RBFOX1: variants seen among roughly 807,000 people sequenced by gnomAD.
RBFOX1 encodes RNA binding fox-1 homolog 1, also known as RNA binding protein fox-1 homolog 1.
RBFOX1 carries 8 observed loss-of-function variants against 57.7 expected under a neutral mutation model. That is an observed-to-expected ratio of 0.14 (90% CI 0.08 to 0.25). The LOEUF (loss-of-function observed/expected upper bound fraction) is 0.25, where lower values mean the gene tolerates loss of function less well. Among genes scored for constraint, RBFOX1 ranks in the 10% least tolerant of loss-of-function variants. The probability of loss-of-function intolerance (pLI) is 1.00; values close to 1 mark genes in which losing one functional copy is unlikely to be tolerated. For synonymous variants in RBFOX1, 326 were observed against 222.4 expected (o/e 1.47, Z -4.15); for missense variants, 611 against 548.5 (o/e 1.11, Z -1.14).
intron 2 of RBFOX1, among the ~76,000 whole-genome samples, chr16:5,589,376 G>A (rs762338008): frequency 3.4e-4 from 51 of 152,092 alleles, no homozygotes; most frequent in Non-Finnish European, 6.3e-4. Context: ...GCCAACCTGG[G>A]GCAAGTCACT....
chr16:5,426,292 C>T (rs2067556719), intron 1 of RBFOX1, among the ~76,000 whole-genome samples: 1 of 152,210 alleles, frequency 6.6e-6, no homozygotes, highest in African/African-American at 2.4e-5. Flanking sequence ...GCAGCACCCC[C>T]ATTCCTGATC....
intron 1 of RBFOX1, among the ~76,000 whole-genome samples, chr16:6,276,486 G>T (rs1354257120): frequency 6.6e-6 from 1 of 152,128 alleles, no homozygotes; most frequent in Non-Finnish European, 1.5e-5. Flanking sequence ...TTACAGGAGT[G>T]TGCCACCATG....
intron 4 of RBFOX1, among the ~76,000 whole-genome samples, chr16:5,924,944 A>G (rs1436407553): frequency 1.3e-5 from 2 of 152,124 alleles, no homozygotes; most frequent in Non-Finnish European, 1.5e-5. Flanking sequence ...AAACCACAAT[A>G]CAGTGCCCTA....
intron 14 of RBFOX1, among the ~76,000 whole-genome samples, chr16:7,704,808 T>C (rs1172912971): frequency 6.6e-6 from 1 of 152,126 alleles, no homozygotes; most frequent in Non-Finnish European, 1.5e-5. Flanking sequence ...CCTAGCACTT[T>C]GGGAGGCCAA....
intron 3 of RBFOX1, among the ~76,000 whole-genome samples, chr16:5,834,178 A>G (rs933301005): frequency 2.0e-5 from 3 of 152,148 alleles, no homozygotes; most frequent in Non-Finnish European, 4.4e-5. Flanking sequence ...ACATGGATTC[A>G]TTTTACAGTG....
At chr16:5,532,560 A>G (rs1044757799) in intron 2 of RBFOX1, among the ~76,000 whole-genome samples, 2 of 152,200 alleles carry the variant, frequency 1.3e-5, no homozygotes, top group South Asian at 2.1e-4. Flanking sequence ...CTCTAAATCT[A>G]TAAAGTACAG....
intron 3 of RBFOX1, among the ~76,000 whole-genome samples, chr16:5,779,159 T>C (rs536452413): frequency 6.6e-6 from 1 of 152,296 alleles, no homozygotes; most frequent in South Asian, 2.1e-4. Flanking sequence ...GCATACCCAC[T>C]TTTTGCGAAA....
At chr16:7,146,050 C>A (rs910587571) in intron 4 of RBFOX1, among the ~76,000 whole-genome samples, 2 of 152,172 alleles carry the variant, frequency 1.3e-5, no homozygotes, top group African/African-American at 4.8e-5. Flanking sequence ...CTGCTAACTT[C>A]CCACTTCTTT....
chr16:6,329,900 T>G (rs1283977135), intron 2 of RBFOX1, among the ~76,000 whole-genome samples: 1 of 152,190 alleles, frequency 6.6e-6, no homozygotes, highest in Non-Finnish European at 1.5e-5. Context: ...ATCACATGAC[T>G]GCACTCCAGC....
intron 5 of RBFOX1, among the ~76,000 whole-genome samples, chr16:7,531,638 G>T (rs1425564766): frequency 6.6e-6 from 1 of 152,130 alleles, no homozygotes; most frequent in Non-Finnish European, 1.5e-5. Context: ...CAAGAAATAG[G>T]TGTGATCATA....
intron 4 of RBFOX1, among the ~76,000 whole-genome samples, chr16:7,066,613 T>C (rs117640672): frequency 0.011 from 1,681 of 152,266 alleles, 17 homozygotes; most frequent in Non-Finnish European, 0.017. Flanking sequence ...AAGCGGGGGG[T>C]GTTTTTGTTA....
chr16:7,654,154 G>A (rs1325464152), intron 12 of RBFOX1, among the ~76,000 whole-genome samples: 1 of 152,184 alleles, frequency 6.6e-6, no homozygotes, highest in Non-Finnish European at 1.5e-5. Flanking sequence ...GTCATGGTTG[G>A]TGCCTTTAAG....
intron 3 of RBFOX1, among the ~76,000 whole-genome samples, chr16:6,911,456 C>G (rs887243250): frequency 6.6e-6 from 1 of 152,150 alleles, no homozygotes; most frequent in Admixed American, 6.5e-5. Flanking sequence ...GGTTTTAACT[C>G]TGTCAGTGTG....
chr16:6,799,337 G>C (rs59043783), intron 3 of RBFOX1, among the ~76,000 whole-genome samples: 3,107 of 152,160 alleles, frequency 0.02, 103 homozygotes, highest in African/African-American at 0.069. Flanking sequence ...TATTAGGTTG[G>C]TGCAAAAGTA....
At chr16:5,900,503 C>A (rs1489711373) in intron 4 of RBFOX1, among the ~76,000 whole-genome samples, 2 of 152,054 alleles carry the variant, frequency 1.3e-5, no homozygotes, top group South Asian at 2.1e-4. Context: ...CCTTTTTTAG[C>A]CCTTTTGCCC....
At chr16:7,128,468 G>T (rs2069217385) in intron 4 of RBFOX1, among the ~76,000 whole-genome samples, 1 of 152,192 alleles carries the variant, frequency 6.6e-6, no homozygotes, top group African/African-American at 2.4e-5. Flanking sequence ...GACATCAGCG[G>T]GGATAGTTCG....
At chr16:7,287,196 C>A (rs1245883305) in intron 4 of RBFOX1, among the ~76,000 whole-genome samples, 2 of 152,098 alleles carry the variant, frequency 1.3e-5, no homozygotes, top group Non-Finnish European at 2.9e-5. Flanking sequence ...AAGTGCAGGT[C>A]TTGATAATGT....
intron 1 of RBFOX1, among the ~76,000 whole-genome samples, chr16:5,440,940 C>G (rs1388316255): frequency 6.6e-6 from 1 of 152,178 alleles, no homozygotes. Context: ...GTTTTCCAGA[C>G]TCACTTTGTC....
In RBFOX1 at chr16:6,367,931, C is replaced by T. The variant is rs2089897978; in HGVS notation, c.-64+50874C>T. Among the ~76,000 whole-genome samples, 3 of 152,106 alleles carry T rather than the reference C, an allele frequency of 2.0e-5. No individual in the cohort carries two copies. The South Asian group carries it at 6.2e-4, about 32-fold the overall frequency. On this transcript the variant is annotated intron_variant, in intron 2 of 15. Transcript: ENST00000550418. ...TGTTGTTCCAACTTAACTTTTTGCC[C>T]ACAGAGTAGTTTAGGACAATCCAAT...
Sources: allele counts gnomAD v4.1 joint callset (sites outside exome capture counted in the v4.1 genomes callset), GRCh38; gene constraint gnomAD v4.1.1; transcripts MANE v1.5; gene names NCBI Gene and HGNC (gene_info 2026-07-23, HGNC 2026-07-21).